Variants in EFCAB6 observed in about 807,000 individuals in gnomAD.
EFCAB6 encodes the protein EF-hand calcium-binding domain-containing protein 6.
In EFCAB6, 156 loss-of-function variants were observed where a neutral mutation model predicts 169.8. That is an observed-to-expected ratio of 0.92 (90% confidence interval 0.81 to 1.05). The LOEUF (loss-of-function observed/expected upper bound fraction) is 1.05, where lower values mean the gene tolerates loss of function less well. EFCAB6 is among the 50% of genes least tolerant of loss of function. The pLI, the probability that EFCAB6 is intolerant of heterozygous loss-of-function variation, is 0.00. For synonymous variants in EFCAB6, 698 were observed against 676.4 expected (o/e 1.03, Z -0.50); for missense variants, 1,800 against 1,829.1 (o/e 0.98, Z 0.29).
At chr22:43,718,840 CCA>C (rs1222112535) in intron 8 of EFCAB6, among the ~76,000 whole-genome samples, 1 of 152,140 alleles carries the variant, frequency 6.6e-6, no homozygotes, top group Admixed American at 6.5e-5. Context: ...AATTCTACAG[CCA>C]CAGTGGGCTG....
intron 10 of EFCAB6, 37 bp downstream of exon 10, chr22:43,711,437 TG>T: frequency 6.5e-7 from 1 of 1,531,418 alleles, no homozygotes; most frequent in South Asian, 1.3e-5. Flanking sequence ...GGTTGACGTT[TG>T]GGGAAAAAAA....
At chr22:43,810,170 C>T (rs2063064099) in intron 1 of EFCAB6, among the ~76,000 whole-genome samples, 1 of 152,224 alleles carries the variant, frequency 6.6e-6, no homozygotes. Flanking sequence ...TAAGCCACCA[C>T]ACCCAACTTG....
chr22:43,782,684 T>C (rs926016671), intron 2 of EFCAB6, among the ~76,000 whole-genome samples: 27 of 152,278 alleles, frequency 1.8e-4, no homozygotes, highest in Non-Finnish European at 3.1e-4. Flanking sequence ...AAATTCAACA[T>C]GCAGTCAGAG....
chr22:43,599,170 G>C (rs1204436846), intron 23 of EFCAB6, among the ~76,000 whole-genome samples: 1 of 152,144 alleles, frequency 6.6e-6, no homozygotes, highest in African/African-American at 2.4e-5. Flanking sequence ...GCAATTTCAT[G>C]CTCTTTCAGG....
intron 10 of EFCAB6, among the ~76,000 whole-genome samples, chr22:43,702,074 A>G (rs904911039): frequency 1.3e-5 from 2 of 152,224 alleles, no homozygotes; most frequent in African/African-American, 4.8e-5. Context: ...CCAGCCTCAC[A>G]CACTACGAGA....
chr22:43,693,832 A>T (rs1178117797), intron 10 of EFCAB6, among the ~76,000 whole-genome samples: 1 of 152,068 alleles, frequency 6.6e-6, no homozygotes, highest in Non-Finnish European at 1.5e-5. Flanking sequence ...TAAAATGGAT[A>T]ACTCAAATAC....
chr22:43,751,775 A>G (rs1759775918), intron 6 of EFCAB6, among the ~76,000 whole-genome samples: 1 of 152,210 alleles, frequency 6.6e-6, no homozygotes, highest in Non-Finnish European at 1.5e-5. Flanking sequence ...CAGGTGTAAC[A>G]AGTTGTCACA....
chr22:43,678,041 C>A lies in EFCAB6; in HGVS notation c.1374G>T (p.Val458=). 6.2e-7 allele frequency: 1 copy of A among 1,613,850 alleles called. No homozygotes were observed. ...MQMLDPGDTG[V]VNTSMFIDLI... is the part of the protein sequence containing the mutation. The stretch of plus-strand genomic sequence containing the variant: ...GATCAATAAACATGCTGGTGTTGAC[C>A]ACTCCAGTGTCCCCAGGGTCAAGCA... The change falls in exon 13 of 32, where the codon GTG becomes GTT. Residue 458 remains valine, a synonymous_variant. Coordinates refer to ENST00000262726, the MANE Select transcript of EFCAB6 (RefSeq NM_022785.4).
At chr22:43,607,926 T>C (rs1447218312) in intron 22 of EFCAB6, among the ~76,000 whole-genome samples, 1 of 152,138 alleles carries the variant, frequency 6.6e-6, no homozygotes, top group African/African-American at 2.4e-5. Context: ...AACAGCTAAA[T>C]CGAAAATACA....
At chr22:43,622,604 T>C (rs1359201888) in intron 20 of EFCAB6, among the ~76,000 whole-genome samples, 1 of 152,208 alleles carries the variant, frequency 6.6e-6, no homozygotes, top group Non-Finnish European at 1.5e-5. Flanking sequence ...AAACTCATTC[T>C]ATTTTGCAAT....
chr22:43,811,456 G>C (rs1433294073), intron 1 of EFCAB6, among the ~76,000 whole-genome samples: 1 of 152,174 alleles, frequency 6.6e-6, no homozygotes, highest in African/African-American at 2.4e-5. Flanking sequence ...AAGACATCCT[G>C]AAAGGCAAAG....
chr22:43,735,910 TA>T lies in EFCAB6; in HGVS notation c.590del (p.Leu197GlnfsTer10). ...TACAGAAGGTCTCCAGAACCCTTCT[TA>T]GCTCCTGCGGTCGAACCAGTCCAGT... ...NKTGLVRPQELRRVLETFCMK... is the reference protein window; with the variant it reads ...NKTGLVRPQEXRRVLETFCMK... On this transcript the variant is annotated frameshift_variant, in exon 7 of 32. Coordinates refer to ENST00000262726, the MANE Select transcript of EFCAB6 (RefSeq NM_022785.4). LOFTEE classifies it high-confidence loss of function. 1 of 1,614,202 alleles carries T rather than the reference TA, an allele frequency of 6.2e-7. No individual in the cohort carries two copies. The highest frequency in any genetic ancestry group is 8.5e-7 in the Non-Finnish European group (1 of 1,180,028).
At chr22:43,620,116 G>C (rs911808337) in intron 20 of EFCAB6, among the ~76,000 whole-genome samples, 1 of 152,054 alleles carries the variant, frequency 6.6e-6, no homozygotes, top group African/African-American at 2.4e-5. Context: ...TCAGGAGTTC[G>C]AGACCAGCAT....
At chr22:43,632,294 CTTTTTTTTTTT>C (rs200314912) in intron 18 of EFCAB6, 56 bp from the exon 19 acceptor site, 2,551 of 1,126,882 alleles carry the variant, frequency 2.3e-3, no homozygotes, top group South Asian at 8.5e-3. Context: ...TTCATTCCTT[CTTTTTTTTTTT>C]TTTTTTTTTT....
At chr22:43,529,132 C>T (rs191230819) in intron 31 of EFCAB6, among the ~76,000 whole-genome samples, 157 bp from the exon 32 acceptor site, 2 of 152,356 alleles carry the variant, frequency 1.3e-5, no homozygotes, top group East Asian at 3.9e-4. Flanking sequence ...GCCCTCTCAA[C>T]CTCTGCCCAA....
chr22:43,710,042 A>G lies in EFCAB6; in HGVS notation c.1031+1433T>C, dbSNP rs114932396. Among the ~76,000 whole-genome samples the G allele has an allele frequency of 8.0e-3, 1,213 of 152,294 alleles. 26 individuals carry two copies. The highest frequency in any genetic ancestry group is 0.028 in the African/African-American group (1,149 of 41,560). Reference sequence around the variant, plus strand: ...AGAAACCCCAAGGCACCTATCAATTACCCACAGTTTGACAGGACAATCTTT... The same window carrying G: ...AGAAACCCCAAGGCACCTATCAATTGCCCACAGTTTGACAGGACAATCTTT... On this transcript the variant is annotated intron_variant, in intron 10 of 31. Coordinates refer to ENST00000262726, the MANE Select transcript of EFCAB6 (RefSeq NM_022785.4).
intron 18 of EFCAB6, among the ~76,000 whole-genome samples, chr22:43,634,825 G>A (rs1245827295): frequency 6.6e-6 from 1 of 152,154 alleles, no homozygotes; most frequent in African/African-American, 2.4e-5. Context: ...AGGCCGTGAG[G>A]TGTGATTGAA....
intron 6 of EFCAB6, among the ~76,000 whole-genome samples, chr22:43,748,939 A>G (rs1357759247): frequency 6.6e-6 from 1 of 152,180 alleles, no homozygotes; most frequent in Non-Finnish European, 1.5e-5. Context: ...TTTTGAACGG[A>G]TAACTCTGGC....
intron 21 of EFCAB6, among the ~76,000 whole-genome samples, chr22:43,608,921 G>C (rs1437928196): frequency 6.6e-6 from 1 of 152,210 alleles, no homozygotes; most frequent in African/African-American, 2.4e-5. Flanking sequence ...CAGGAAATGA[G>C]ATGGAGGATC....
Sources: gnomAD v4.1 joint callset for allele counts (sites outside exome capture counted in the v4.1 genomes callset) on GRCh38, gnomAD v4.1.1 for gene constraint, MANE v1.5 for transcripts, NCBI Gene and HGNC (gene_info 2026-07-23, HGNC 2026-07-21) for gene names.